Variants in SLC12A2 observed in about 807,000 individuals in gnomAD.
SLC12A2 encodes solute carrier family 12 member 2, also known as Na-K-2Cl cotransporter 1.
A neutral mutation model predicts 136.3 loss-of-function variants in SLC12A2; 67 were observed. That is an observed-to-expected ratio of 0.49 (90% CI 0.40 to 0.60). SLC12A2 has a LOEUF of 0.60. SLC12A2 is among the 20% of genes least tolerant of loss of function. SLC12A2 has a pLI of 0.00. For missense variants in SLC12A2, 1,322 were observed against 1,534.7 expected (o/e 0.86, Z 2.32); for synonymous variants, 619 against 562.9 (o/e 1.10, Z -1.41).
intron 1 of SLC12A2, among the ~76,000 whole-genome samples, chr5:128,091,089 A>G (rs1204841184): frequency 1.3e-5 from 2 of 152,242 alleles, no homozygotes; most frequent in African/African-American, 4.8e-5. Context: ...CAATGGTTCC[A>G]TTAAGATGAT....
chr5:128,180,591 C>T (rs904700308), intron 22 of SLC12A2, among the ~76,000 whole-genome samples: 1 of 152,154 alleles, frequency 6.6e-6, no homozygotes, highest in African/African-American at 2.4e-5. Flanking sequence ...AACATGGCTC[C>T]TGCTAAGGTC....
At position 128,151,307 on chromosome 5, in the gene SLC12A2, T is replaced by A. The variant is rs1046336136; in HGVS notation, c.2174T>A (p.Ile725Lys). 3.1e-6 allele frequency: 5 copies of A among 1,612,790 alleles called. No homozygotes were observed. Among genetic ancestry groups the A allele is most frequent in the Non-Finnish European group, 4.2e-6 (5 of 1,179,242 alleles). Residue 725 changes from isoleucine to lysine, a missense_variant, in exon 14 of 27, where the codon ATA becomes AAA. By Grantham distance (102) the Ile-to-Lys change is moderately radical (BLOSUM62 -3). This residue lies in a region of SLC12A2 where 294 missense variants were observed against 436.6 expected (regional missense o/e 0.67). Transcript: ENST00000262461. ...CTTCTTGGAGCAATTCTTTGTTGCATAGTAATGTTCGTCATTAACTGGTGG... is the reference window on the plus strand; with the variant it reads ...CTTCTTGGAGCAATTCTTTGTTGCAAAGTAATGTTCGTCATTAACTGGTGG... ...ISLLGAILCC[I>K]VMFVINWWAA...
intron 4 of SLC12A2, 79 bp from the exon 5 acceptor site, chr5:128,130,988 A>T: frequency 1.5e-6 from 2 of 1,362,562 alleles, no homozygotes; most frequent in African/African-American, 1.4e-5. Context: ...TTGTGAATTC[A>T]TGTATAATTA....
At chr5:128,109,008 C>G (rs1387248103) in intron 1 of SLC12A2, among the ~76,000 whole-genome samples, 2 of 152,182 alleles carry the variant, frequency 1.3e-5, no homozygotes, top group Admixed American at 6.5e-5. Flanking sequence ...GTATGAACTA[C>G]TATCCTAAAT....
intron 1 of SLC12A2, among the ~76,000 whole-genome samples, chr5:128,101,097 G>T (rs1234671916): frequency 1.3e-5 from 2 of 152,138 alleles, no homozygotes; most frequent in Non-Finnish European, 2.9e-5. Flanking sequence ...TTGTTAACCA[G>T]AGCAGATTGG....
chr5:128,117,366 T>C (rs1440282211), intron 4 of SLC12A2, among the ~76,000 whole-genome samples: 1 of 152,116 alleles, frequency 6.6e-6, no homozygotes, highest in Admixed American at 6.5e-5. Context: ...AAGTTAACAA[T>C]GAAACAAACC....
rs1010954265 is a variant in SLC12A2 at position 128,128,364 on chromosome 5, C to T, written c.1049-2703C>T. Among the ~76,000 whole-genome samples the T allele has an allele frequency of 1.6e-4, 25 of 152,234 alleles. 1 individual carries two copies. The East Asian group carries it at 4.8e-3, about 29-fold the overall frequency. ...TGTCACTACTTAGTATCTCTGGCAT[C>T]TGACTAATTATGTTCTTTACAGTCA... On this transcript the variant is annotated intron_variant, in intron 4 of 26. Coordinates refer to ENST00000262461, the MANE Select transcript of SLC12A2 (RefSeq NM_001046.3).
intron 13 of SLC12A2, 68 bp downstream of exon 13, chr5:128,150,166 C>A (rs2126721765): frequency 9.7e-7 from 1 of 1,032,886 alleles, no homozygotes; most frequent in Non-Finnish European, 1.5e-6. Flanking sequence ...AAACTTTTGC[C>A]ACATTTTCAA....
At chr5:128,130,055 G>C (rs1473842269) in intron 4 of SLC12A2, among the ~76,000 whole-genome samples, 1 of 150,630 alleles carries the variant, frequency 6.6e-6, no homozygotes, top group South Asian at 2.1e-4. Context: ...TTTGGTCTTG[G>C]TATTCACATT....
rs1244682078 is a variant in SLC12A2 at position 128,120,531 on chromosome 5, A to G, written c.1048+5850A>G. 9.4e-4 allele frequency among the ~76,000 whole-genome samples: 143 copies of G among 151,598 alleles called. 1 individual carries two copies. Among genetic ancestry groups the G allele is most frequent in the African/African-American group, 3.4e-3 (138 of 41,042 alleles). The stretch of plus-strand genomic sequence containing the variant: ...ACACCATGGAATACTATGCAGCCAT[A>G]AAAAATGATGAGTTCATGTCCTTTG... On this transcript the variant is annotated intron_variant, in intron 4 of 26. Coordinates refer to ENST00000262461, the MANE Select transcript of SLC12A2 (RefSeq NM_001046.3).
chr5:128,162,028 A>G (rs1344254269), intron 17 of SLC12A2, among the ~76,000 whole-genome samples: 1 of 152,180 alleles, frequency 6.6e-6, no homozygotes, highest in Non-Finnish European at 1.5e-5. Flanking sequence ...AAGGGACAGT[A>G]GAAATGTTGT....
chr5:128,163,733 A>G (rs568173994), intron 17 of SLC12A2, among the ~76,000 whole-genome samples: 54 of 152,148 alleles, frequency 3.5e-4, no homozygotes, highest in Non-Finnish European at 6.9e-4. Context: ...AAGTATATGA[A>G]CAATATGAAG....
intron 1 of SLC12A2, chr5:128,110,581 A>C (rs1168120966): frequency 8.1e-6 from 9 of 1,115,628 alleles, no homozygotes; most frequent in African/African-American, 1.5e-5. Flanking sequence ...TAAGTATCAA[A>C]TAAATATTGA....
intron 16 of SLC12A2, among the ~76,000 whole-genome samples, chr5:128,161,443 T>C (rs1324598478): frequency 1.3e-5 from 2 of 152,172 alleles, no homozygotes; most frequent in African/African-American, 4.8e-5. Flanking sequence ...CTCTTATTCT[T>C]TCTACTGGCA....
chr5:128,088,037 GTGTC>G (rs1426168813), intron 1 of SLC12A2, among the ~76,000 whole-genome samples: 3 of 151,452 alleles, frequency 2.0e-5, no homozygotes. Context: ...GTGTGTGTGT[GTGTC>G]TGTATATAAA....
At chr5:128,085,366 C>T (rs553107603) in intron 1 of SLC12A2, among the ~76,000 whole-genome samples, 2 of 151,610 alleles carry the variant, frequency 1.3e-5, no homozygotes, top group East Asian at 1.9e-4. Context: ...GGGACAGAGG[C>T]GAGTCTTTAA....
intron 6 of SLC12A2, among the ~76,000 whole-genome samples, chr5:128,135,492 TC>T (rs753598198): frequency 6.6e-6 from 1 of 152,052 alleles, no homozygotes; most frequent in Non-Finnish European, 1.5e-5. Flanking sequence ...ATCTTTTTTT[TC>T]CCCAGATATT....
At position 128,186,644 on chromosome 5, in the gene SLC12A2, G is replaced by A; in HGVS notation, c.*13G>A. The stretch of plus-strand genomic sequence containing the variant: ...CTTCTATTCATAAATGTTCTATACA[G>A]TGGACAGCCCTCCAGAATGGTACTT... On this transcript the variant is annotated 3_prime_UTR_variant, in exon 27 of 27. Coordinates refer to ENST00000262461, the MANE Select transcript of SLC12A2 (RefSeq NM_001046.3). 17 of 1,612,968 alleles carry A rather than the reference G, an allele frequency of 1.1e-5. No individual in the cohort carries two copies. The highest frequency in any genetic ancestry group is 1.4e-5 in the Non-Finnish European group (17 of 1,179,396).
chr5:128,114,110 G>C (rs983391234), intron 2 of SLC12A2, 102 bp from the exon 3 acceptor site: 2 of 806,856 alleles, frequency 2.5e-6, no homozygotes, highest in East Asian at 2.5e-5. Context: ...CATATCTTCT[G>C]TAGTTTCAAA....
Sources: gnomAD v4.1 joint callset for allele counts (sites outside exome capture counted in the v4.1 genomes callset) on GRCh38, gnomAD v4.1.1 for gene constraint, gnomAD v4.1.1 regional missense constraint, MANE v1.5 for transcripts, NCBI Gene and HGNC (gene_info 2026-07-23, HGNC 2026-07-21) for gene names.